The following LRRN3 variants were observed in gnomAD, a reference collection of about 807,000 sequenced individuals.
LRRN3 encodes the protein leucine rich repeat neuronal 3.
In LRRN3, 15 loss-of-function variants were observed where a neutral mutation model predicts 40.1. The ratio of observed to expected loss-of-function variants is 0.37; its 90% CI spans 0.25 to 0.58. The LOEUF is 0.58. Ranked by LOEUF, LRRN3 falls within the 20% of genes least tolerant of loss-of-function variation. LRRN3 has a pLI of 0.72. For synonymous variants in LRRN3, 308 were observed against 297.2 expected (o/e 1.04, Z -0.37); for missense variants, 746 against 837.7 (o/e 0.89, Z 1.35).
chr7:111,123,747 T>A lies in LRRN3; in HGVS notation c.975T>A (p.Ile325=), dbSNP rs1038787127. ...EATNNPRLSY[I]HPNAFFRLPK... ...CTAACAACCCTAGATTGTCTTACAT[T>A]CACCCCAATGCATTTTTCAGACTCC... The change falls in exon 3 of 3, where the codon ATT becomes ATA. Residue 325 remains isoleucine, a synonymous_variant. Coordinates refer to ENST00000308478, the MANE Select transcript of LRRN3 (RefSeq NM_001099658.2). The surrounding 1 kb of genome is among the most constrained non-coding windows in gnomAD (Gnocchi z 6.4). 6.2e-7 allele frequency: 1 copy of A among 1,613,822 alleles called. No homozygotes were observed. The highest frequency in any genetic ancestry group is 8.5e-7 in the Non-Finnish European group (1 of 1,179,972).
chr7:111,113,185 G>A (rs1799447255), intron 2 of LRRN3, among the ~76,000 whole-genome samples: 1 of 152,052 alleles, frequency 6.6e-6, no homozygotes, highest in Non-Finnish European at 1.5e-5. Context: ...TCTATACTAG[G>A]TCATTGGACT....
chr7:111,107,670 T>C (rs1411006443), intron 2 of LRRN3, among the ~76,000 whole-genome samples: 1 of 152,246 alleles, frequency 6.6e-6, no homozygotes, highest in Non-Finnish European at 1.5e-5. Context: ...TGAAATACAA[T>C]AGATGCGTTT....
intron 1 of LRRN3, among the ~76,000 whole-genome samples, chr7:111,097,795 A>G (rs1022070110): frequency 2.6e-5 from 4 of 151,924 alleles, no homozygotes; most frequent in Non-Finnish European, 4.4e-5. Flanking sequence ...AGTATTCAAC[A>G]TCTGTAGAAT....
intron 1 of LRRN3, among the ~76,000 whole-genome samples, chr7:111,099,678 A>AT (rs1440584742): frequency 6.6e-6 from 1 of 151,646 alleles, no homozygotes; most frequent in Non-Finnish European, 1.5e-5. Flanking sequence ...ATCAACATAC[A>AT]TTTTCTATTC....
intron 1 of LRRN3, among the ~76,000 whole-genome samples, chr7:111,096,508 T>TAAAAAAAAAAA (rs5886589): frequency 6.9e-6 from 1 of 144,776 alleles, no homozygotes; most frequent in Non-Finnish European, 1.5e-5. Context: ...GAGTTAAATT[T>TAAAAAAAAAAA]AAAAAAAAAA....
At position 111,125,024 on chromosome 7, in the gene LRRN3, G is replaced by A. The variant is rs374906931; in HGVS notation, c.*125G>A. Reference sequence around the variant, plus strand: ...AAGTAAAAAAAGATTACTTTCGAGAGAGAAGTTTAAGCTTCACCAATGCTG... The same window carrying A: ...AAGTAAAAAAAGATTACTTTCGAGAAAGAAGTTTAAGCTTCACCAATGCTG... On this transcript the variant is annotated 3_prime_UTR_variant, in exon 3 of 3. Coordinates refer to ENST00000308478, the MANE Select transcript of LRRN3 (RefSeq NM_001099658.2). 6.7e-5 allele frequency: 50 copies of A among 741,654 alleles called. 3 individuals carry two copies. The South Asian group carries it at 9.3e-4, about 14-fold the overall frequency. The allele number at this position is 741,654 out of a possible 1,614,324, so 45.9% of individuals were successfully genotyped here.
chr7:111,106,078 T>C (rs1798517102), intron 2 of LRRN3, among the ~76,000 whole-genome samples: 1 of 151,976 alleles, frequency 6.6e-6, no homozygotes, highest in Non-Finnish European at 1.5e-5. Context: ...ACATAGTCTT[T>C]TTCCAAGGAT....
intron 2 of LRRN3, among the ~76,000 whole-genome samples, chr7:111,116,059 C>A (rs74958820): frequency 0.046 from 6,968 of 152,242 alleles, 195 homozygotes; most frequent in South Asian, 0.081. Context: ...ATAAAACATC[C>A]AAGATTCTCT....
chr7:111,109,890 C>T (rs1475257656), intron 2 of LRRN3, among the ~76,000 whole-genome samples: 1 of 152,182 alleles, frequency 6.6e-6, no homozygotes, highest in Non-Finnish European at 1.5e-5. Context: ...AATTCCAGCA[C>T]TTTGGGAGGC....
intron 2 of LRRN3, among the ~76,000 whole-genome samples, chr7:111,110,844 A>G (rs1022108370): frequency 2.6e-5 from 4 of 152,198 alleles, no homozygotes; most frequent in African/African-American, 4.8e-5. Context: ...AATGTCCCAG[A>G]TCAAATTTAA....
At chr7:111,109,924 A>G (rs905422672) in intron 2 of LRRN3, among the ~76,000 whole-genome samples, 1 of 152,182 alleles carries the variant, frequency 6.6e-6, no homozygotes, top group African/African-American at 2.4e-5. Context: ...TCACAAGGTC[A>G]GGAGTTCAAG....
chr7:111,112,358 C>T (rs1015066263), intron 2 of LRRN3, among the ~76,000 whole-genome samples: 3 of 152,184 alleles, frequency 2.0e-5, no homozygotes, highest in African/African-American at 7.2e-5. Context: ...ACATCAAGAA[C>T]TTTAACTCTG....
Position 111,124,437 on chromosome 7 carries a change from A to T in LRRN3, c.1665A>T (p.Thr555=). 2.5e-6 allele frequency: 4 copies of T among 1,613,848 alleles called. No individual in the cohort carries two copies. Among genetic ancestry groups the T allele is most frequent in the Non-Finnish European group, 3.4e-6 (4 of 1,179,920 alleles). ...SKILKSSVKW[T]AFVKTENSHA... is the part of the protein sequence containing the mutation. Reference sequence around the variant, plus strand: ...TTCTCAAATCTAGTGTTAAATGGACAGCCTTTGTCAAGACTGAAAATTCTC... The same window carrying T: ...TTCTCAAATCTAGTGTTAAATGGACTGCCTTTGTCAAGACTGAAAATTCTC... The change falls in exon 3 of 3, where the codon ACA becomes ACT. Residue 555 remains threonine, a synonymous_variant. Transcript: ENST00000308478.
In LRRN3 at chr7:111,099,041, C is replaced by T. The variant is rs80333872; in HGVS notation, c.-440-840C>T. 1.7e-3 allele frequency among the ~76,000 whole-genome samples: 261 copies of T among 151,694 alleles called. 2 individuals carry two copies. Among genetic ancestry groups the T allele is most frequent in the African/African-American group, 6.0e-3 (249 of 41,448 alleles). On this transcript the variant is annotated intron_variant, in intron 1 of 2. Coordinates refer to ENST00000308478, the MANE Select transcript of LRRN3 (RefSeq NM_001099658.2). ...TTATTTATATCTGAGTTTTGCTATC[C>T]ACTAGATTAACTAAAATGATTTTTT...
intron 2 of LRRN3, among the ~76,000 whole-genome samples, chr7:111,121,124 G>A (rs989972314): frequency 1.8e-4 from 27 of 152,248 alleles, no homozygotes; most frequent in East Asian, 7.7e-4. Flanking sequence ...ACCTTTTAAC[G>A]ATTAAATTTC....
chr7:111,120,374 C>T (rs182093928), intron 2 of LRRN3, among the ~76,000 whole-genome samples: 11 of 152,042 alleles, frequency 7.2e-5, no homozygotes, highest in Non-Finnish European at 1.5e-4. Flanking sequence ...GAATGAGACT[C>T]AAGCAAAAGA....
At chr7:111,116,380 A>G (rs1409312276) in intron 2 of LRRN3, among the ~76,000 whole-genome samples, 3 of 152,232 alleles carry the variant, frequency 2.0e-5, no homozygotes, top group Non-Finnish European at 4.4e-5. Context: ...AAATCTCAAA[A>G]TATCAGATTT....
Position 111,122,792 on chromosome 7 carries a change from G to A in LRRN3, c.20G>A (p.Arg7Gln), listed in dbSNP as rs200480823. 1.8e-5 allele frequency: 29 copies of A among 1,612,984 alleles called. No homozygotes were observed. The highest frequency in any genetic ancestry group is 1.7e-4 in the Middle Eastern group (1 of 6,046). The part of the protein sequence containing the change: MKDMPL[R>Q]IHVLLGLAIT... ...GCTAAGATGAAGGACATGCCACTCC[G>A]AATTCATGTGCTACTTGGCCTAGCT... Residue 7 changes from arginine (R) to glutamine (Q), a missense_variant, in exon 3 of 3, where the codon CGA (arginine) becomes CAA (glutamine). By Grantham distance (43) the Arg-to-Gln change is conservative (BLOSUM62 1). Transcript: ENST00000308478.
In LRRN3 at chr7:111,117,431, C is replaced by T. The variant is rs142941429; in HGVS notation, c.-358-4984C>T. 5.9e-5 allele frequency among the ~76,000 whole-genome samples: 9 copies of T among 152,134 alleles called. No individual in the cohort carries two copies. The East Asian group carries it at 1.7e-3, about 29-fold the overall frequency. ...TAAACCTGGCCCATGTTTCTTAATGCAAAACAAATTTTCTTTCGGTGTATC... is the reference window on the plus strand; with the variant it reads ...TAAACCTGGCCCATGTTTCTTAATGTAAAACAAATTTTCTTTCGGTGTATC... On this transcript the variant is annotated intron_variant, in intron 2 of 2. Transcript: ENST00000308478.
Sources: gnomAD v4.1 joint callset for allele counts (sites outside exome capture counted in the v4.1 genomes callset) on GRCh38, gnomAD v4.1.1 for gene constraint, Gnocchi (gnomAD v3.1) non-coding constraint, MANE v1.5 for transcripts, NCBI Gene and HGNC (gene_info 2026-07-23, HGNC 2026-07-21) for gene names.